The following STX16 variants were observed in gnomAD, a reference collection of about 807,000 sequenced individuals.
The protein encoded by STX16 is syntaxin 16.
A neutral mutation model predicts 42.7 loss-of-function variants in STX16; 28 were observed. The observed-to-expected ratio is 0.66, with a 90% CI of 0.49 to 0.90. STX16 has a LOEUF of 0.90. Among genes scored for constraint, STX16 ranks in the 40% least tolerant of loss-of-function variants. The pLI is 0.00. For missense variants in STX16, 361 were observed against 420.9 expected, an observed-to-expected ratio of 0.86 and a Z score of 1.24; for synonymous variants, 156 against 155.2, an observed-to-expected ratio of 1.00 and a Z score of -0.04.
intron 2 of STX16, among the ~76,000 whole-genome samples, chr20:58,661,304 C>T (rs1242447157): frequency 6.6e-6 from 1 of 152,208 alleles, no homozygotes; most frequent in African/African-American, 2.4e-5. Context: ...CCAGTCTTTC[C>T]TACTTCCTTT....
intron 1 of STX16, among the ~76,000 whole-genome samples, chr20:58,658,083 T>C (rs1363929594): frequency 6.6e-6 from 1 of 152,192 alleles, no homozygotes; most frequent in African/African-American, 2.4e-5. Flanking sequence ...AACTAATAAT[T>C]GTAGAAATCA....
chr20:58,673,132 G>A (rs1205712758), intron 7 of STX16, among the ~76,000 whole-genome samples: 1 of 152,200 alleles, frequency 6.6e-6, no homozygotes, highest in African/African-American at 2.4e-5. Flanking sequence ...GTAGACTGGA[G>A]TTTACCATTT....
Position 58,652,140 on chromosome 20 carries a change from TGA to T in STX16, c.132+4_132+5del. 1 of 1,613,636 alleles carries T rather than the reference TGA, an allele frequency of 6.2e-7. No individual in the cohort carries two copies. The highest frequency in any genetic ancestry group is 8.5e-7 in the Non-Finnish European group (1 of 1,179,940). On this transcript the variant is annotated splice_donor_region_variant and intron_variant, in intron 1 of 8. Transcript: ENST00000371141. Reference sequence around the variant, plus strand: ...CTGCATTCACGTAGCATTGCTGCGGTGAGTCTCCTGGCGGCCTCTCCGACACA... The same window carrying T: ...CTGCATTCACGTAGCATTGCTGCGGTGTCTCCTGGCGGCCTCTCCGACACA...
At chr20:58,669,511 T>C (rs1322271845) in intron 5 of STX16, 58 bp downstream of exon 5, 2 of 1,544,248 alleles carry the variant, frequency 1.3e-6, no homozygotes, top group Non-Finnish European at 1.7e-6. Flanking sequence ...CTTTATGTTT[T>C]CTTTTTTGCC....
Position 58,669,357 on chromosome 20 carries a change from GA to G in STX16, c.461del (p.Glu154GlyfsTer34). 6.2e-7 allele frequency: 1 copy of G among 1,611,956 alleles called. No individual in the cohort carries two copies. Among genetic ancestry groups the G allele is most frequent in the Non-Finnish European group, 8.5e-7 (1 of 1,179,180 alleles). On this transcript the variant is annotated frameshift_variant, in exon 5 of 9. Coordinates refer to ENST00000371141, the MANE Select transcript of STX16 (RefSeq NM_001001433.3). LOFTEE classifies it high-confidence loss of function. Reference sequence around the variant, plus strand: ...CCGGGCCCGGGCCTGCTCCGAGCAGGAGGGGCGGCTGCTTGGGAACGTGGTG... The same window carrying G: ...CCGGGCCCGGGCCTGCTCCGAGCAGGGGGGCGGCTGCTTGGGAACGTGGTG... ...PSRARACSEQ[E>X]GRLLGNVVAS... is the part of the protein sequence containing the mutation.
intron 2 of STX16, among the ~76,000 whole-genome samples, chr20:58,660,887 A>G (rs1202509799): frequency 1.3e-5 from 2 of 151,556 alleles, no homozygotes; most frequent in Non-Finnish European, 2.9e-5. Flanking sequence ...TAGGGTGGAT[A>G]TATATTTTTA....
Position 58,656,198 on chromosome 20 carries a change from A to G in STX16, c.133-3425A>G, listed in dbSNP as rs192287119. Among the ~76,000 whole-genome samples the G allele has an allele frequency of 5.1e-4, 77 of 152,348 alleles. 1 individual carries two copies. The highest frequency in any genetic ancestry group is 2.9e-3 in the Admixed American group (44 of 15,304). The stretch of plus-strand genomic sequence containing the variant: ...TGATTTCCAGCAGCCCTATCGATTC[A>G]ACAGTATTTTCTCAAGTTCTGTTTT... On this transcript the variant is annotated intron_variant, in intron 1 of 8. Transcript: ENST00000371141.
chr20:58,671,462 GT>G (rs1568827780), intron 7 of STX16, among the ~76,000 whole-genome samples, 165 bp downstream of exon 7: 1 of 121,044 alleles, frequency 8.3e-6, no homozygotes, highest in Non-Finnish European at 1.8e-5. Context: ...GTGTGTGTGT[GT>G]GTGTGTGTGT....
chr20:58,652,371 ACCCCCCCC>A (rs11481928), intron 1 of STX16: 17 of 462,014 alleles, frequency 3.7e-5, no homozygotes, highest in East Asian at 1.9e-4. Context: ...CTTCCGCAGC[ACCCCCCCC>A]CCCGCACCCC....
At chr20:58,652,277 G>C in intron 1 of STX16, 139 bp downstream of exon 1, 7 of 1,258,698 alleles carry the variant, frequency 5.6e-6, no homozygotes, top group Non-Finnish European at 7.8e-6. Flanking sequence ...CTCTTGGCTA[G>C]AGTCAGGGGG....
At chr20:58,667,119 C>T in intron 2 of STX16, 2 of 294,846 alleles carry the variant, frequency 6.8e-6, no homozygotes, top group South Asian at 3.1e-5. Flanking sequence ...CATTGAGGTT[C>T]ATGCCGTTCT....
chr20:58,672,141 C>T (rs1345681410), intron 7 of STX16, among the ~76,000 whole-genome samples: 18 of 151,924 alleles, frequency 1.2e-4, no homozygotes, highest in Admixed American at 9.8e-4. Flanking sequence ...GAGACCAGCG[C>T]GGTCAACATG....
intron 2 of STX16, 134 bp downstream of exon 2, chr20:58,659,768 A>G: frequency 2.2e-6 from 2 of 925,288 alleles, no homozygotes; most frequent in East Asian, 2.6e-5. Flanking sequence ...TTACTTTATA[A>G]TTTTTTTAAC....
intron 5 of STX16, 29 bp from the exon 6 acceptor site, chr20:58,670,483 C>T (rs1391135661): frequency 6.4e-7 from 1 of 1,559,152 alleles, no homozygotes; most frequent in South Asian, 1.1e-5. Flanking sequence ...TTTACATATT[C>T]AAGTAAAATG....
At chr20:58,653,804 A>C (rs1274933104) in intron 1 of STX16, among the ~76,000 whole-genome samples, 2 of 151,758 alleles carry the variant, frequency 1.3e-5, no homozygotes, top group African/African-American at 2.4e-5. Flanking sequence ...TTATTTTTCA[A>C]TTTTTAATCA....
In STX16 at chr20:58,657,701, T is replaced by C. The variant is rs1203468708; in HGVS notation, c.133-1922T>C. Among the ~76,000 whole-genome samples the C allele has an allele frequency of 6.6e-6, 1 of 152,248 alleles. No homozygotes were observed. Among genetic ancestry groups the C allele is most frequent in the Non-Finnish European group, 1.5e-5 (1 of 68,044 alleles). On this transcript the variant is annotated intron_variant, in intron 1 of 8. Coordinates refer to ENST00000371141, the MANE Select transcript of STX16 (RefSeq NM_001001433.3). This position sits in a 1 kb window ranked among gnomAD's most constrained non-coding sequence, Gnocchi z 4.2. ...TATTTTGGTCTTTCTTGATGGTAAT[T>C]CTAAATGTTTTAATTCAGGTCTTGA...
At chr20:58,665,044 G>T (rs896275813) in intron 2 of STX16, among the ~76,000 whole-genome samples, 3 of 152,236 alleles carry the variant, frequency 2.0e-5, no homozygotes, top group African/African-American at 7.2e-5. Flanking sequence ...ATGGCTGGCA[G>T]GTGCTGCGAG....
At position 58,652,029 on chromosome 20, in the gene STX16, A is replaced by G; in HGVS notation, c.23A>G (p.Asp8Gly). The G allele has an allele frequency of 6.2e-7, 1 of 1,614,170 alleles. No individual in the cohort carries two copies. The highest frequency in any genetic ancestry group is 8.5e-7 in the Non-Finnish European group (1 of 1,180,012). The change falls in exon 1 of 9, where the codon GAC becomes GGC. Residue 8 changes from aspartate to glycine, a missense_variant. Transcript: ENST00000371141. MATRRLT[D>G]AFLLLRNNSI... ...GACATGGCCACCAGGCGTTTAACCG[A>G]CGCTTTCTTGTTGTTGCGGAATAAT...
At chr20:58,658,180 C>T (rs2083621050) in intron 1 of STX16, among the ~76,000 whole-genome samples, 1 of 152,158 alleles carries the variant, frequency 6.6e-6, no homozygotes, top group Non-Finnish European at 1.5e-5. Flanking sequence ...TGCAATAGTA[C>T]ATCGTTCAAA....
Sources: allele counts gnomAD v4.1 joint callset (sites outside exome capture counted in the v4.1 genomes callset), GRCh38; gene constraint gnomAD v4.1.1; non-coding constraint Gnocchi (gnomAD v3.1); transcripts MANE v1.5; gene names NCBI Gene and HGNC (gene_info 2026-07-23, HGNC 2026-07-21).